ZMAT5: variants seen among roughly 807,000 people sequenced by gnomAD.
The protein encoded by ZMAT5 is zinc finger matrin-type protein 5.
Under a neutral mutation model 28.0 loss-of-function variants are expected in ZMAT5, and 23 were observed. The observed-to-expected ratio is 0.82, with a 90% CI of 0.59 to 1.16. The LOEUF is 1.16. Among genes scored for constraint, ZMAT5 ranks in the 50% most tolerant of loss-of-function variants. ZMAT5 has a pLI of 0.00. For missense variants in ZMAT5, 173 were observed against 212.7 expected (o/e 0.81, Z 1.16); for synonymous variants, 76 against 84.1 (o/e 0.90, Z 0.52).
chr22:29,761,497 T>C (rs1238765302), intron 1 of ZMAT5, among the ~76,000 whole-genome samples: 2 of 150,868 alleles, frequency 1.3e-5, no homozygotes, highest in African/African-American at 2.4e-5. Flanking sequence ...GAGGTTGAGG[T>C]AGGAGGATCG....
At chr22:29,754,621 A>ACT (rs1313727448) in intron 1 of ZMAT5, among the ~76,000 whole-genome samples, 8 of 152,334 alleles carry the variant, frequency 5.3e-5, no homozygotes, top group African/African-American at 1.9e-4. Context: ...CTGTAATCCC[A>ACT]ACATGTTGGG....
At chr22:29,765,422 A>C (rs1337054778) in intron 1 of ZMAT5, among the ~76,000 whole-genome samples, 4 of 151,858 alleles carry the variant, frequency 2.6e-5, no homozygotes, top group Non-Finnish European at 5.9e-5. Flanking sequence ...CTCAAAAAAA[A>C]ACAAAAAACA....
At chr22:29,756,825 A>T (rs1375222957) in intron 1 of ZMAT5, among the ~76,000 whole-genome samples, 1 of 152,122 alleles carries the variant, frequency 6.6e-6, no homozygotes, top group Non-Finnish European at 1.5e-5. Flanking sequence ...ACGCAGGTGG[A>T]TCACCTGAGG....
At chr22:29,764,711 C>T (rs909535057) in intron 1 of ZMAT5, among the ~76,000 whole-genome samples, 1 of 152,128 alleles carries the variant, frequency 6.6e-6, no homozygotes, top group African/African-American at 2.4e-5. Context: ...CCATGTTGGC[C>T]AGGCTAGTCT....
At chr22:29,742,624 A>C (rs1283207436) in intron 2 of ZMAT5, 144 bp from the exon 3 acceptor site, 1 of 752,580 alleles carries the variant, frequency 1.3e-6, no homozygotes, top group African/African-American at 1.7e-5. Flanking sequence ...GAGGAGTGGA[A>C]GCAGGAGATG....
chr22:29,754,405 C>A (rs1294089707), intron 1 of ZMAT5, among the ~76,000 whole-genome samples: 1 of 152,184 alleles, frequency 6.6e-6, no homozygotes, highest in Non-Finnish European at 1.5e-5. Context: ...CAAGGGGCAG[C>A]GGGCAAGGCT....
chr22:29,740,019 G>A (rs2067946613), intron 4 of ZMAT5, among the ~76,000 whole-genome samples: 2 of 152,242 alleles, frequency 1.3e-5, no homozygotes, highest in African/African-American at 4.8e-5. Context: ...CCCCCAACCT[G>A]CTGGGGGGCT....
chr22:29,766,074 G>C (rs556701902), intron 1 of ZMAT5, among the ~76,000 whole-genome samples: 15 of 152,312 alleles, frequency 9.8e-5, no homozygotes, highest in South Asian at 2.1e-4. Flanking sequence ...ACGCACCTTG[G>C]GGGGCGAGGC....
intron 1 of ZMAT5, among the ~76,000 whole-genome samples, chr22:29,758,149 C>G (rs548892205): frequency 6.6e-6 from 1 of 152,184 alleles, no homozygotes; most frequent in Non-Finnish European, 1.5e-5. Context: ...AGACCCCCTG[C>G]TAACAGCCAC....
rs1244353732 is a variant in ZMAT5 at position 29,744,643 on chromosome 22, G to C, written c.128-2163C>G. Reference sequence around the variant, plus strand: ...GACTGAGCCTGGGTCCTATACAAGGGGCTGTGCCAGGTGGCTTGGGGTGGG... The same window carrying C: ...GACTGAGCCTGGGTCCTATACAAGGCGCTGTGCCAGGTGGCTTGGGGTGGG... On this transcript the variant is annotated intron_variant, in intron 2 of 5. Transcript: ENST00000344318. 2.0e-5 allele frequency among the ~76,000 whole-genome samples: 3 copies of C among 152,178 alleles called. No homozygotes were observed. The East Asian group carries it at 5.8e-4, about 29-fold the overall frequency.
intron 5 of ZMAT5, among the ~76,000 whole-genome samples, chr22:29,737,500 C>T (rs1031606100): frequency 2.0e-5 from 3 of 152,226 alleles, no homozygotes; most frequent in African/African-American, 7.2e-5. Flanking sequence ...TTTTGTGAAG[C>T]CACACCACAG....
In ZMAT5 at chr22:29,748,510, C is replaced by G. The variant is rs540359346; in HGVS notation, c.35G>C (p.Arg12Pro). ...GTTGTGGAGGTTGTCCTGGAAGGAGCGGTCGCAGTAGTCACAGAAGTATCG... is the reference window on the plus strand; with the variant it reads ...GTTGTGGAGGTTGTCCTGGAAGGAGGGGTCGCAGTAGTCACAGAAGTATCG... ...GKRYFCDYCD[R>P]SFQDNLHNRK... is the part of the protein sequence containing the mutation. The change falls in exon 2 of 6, where the codon CGC becomes CCC. Residue 12 changes from arginine to proline, a missense_variant. Transcript: ENST00000344318. The G allele has an allele frequency of 1.2e-6, 2 of 1,614,216 alleles. No individual in the cohort carries two copies. The highest frequency in any genetic ancestry group is 2.7e-5 in the African/African-American group (2 of 75,056).
At chr22:29,753,283 T>C (rs2068070656) in intron 1 of ZMAT5, among the ~76,000 whole-genome samples, 1 of 152,160 alleles carries the variant, frequency 6.6e-6, no homozygotes, top group East Asian at 1.9e-4. Context: ...TCCCAACACT[T>C]TGGGAGGCTG....
intron 1 of ZMAT5, among the ~76,000 whole-genome samples, chr22:29,750,964 C>G (rs1218839262): frequency 1.3e-5 from 2 of 152,222 alleles, no homozygotes; most frequent in African/African-American, 4.8e-5. Flanking sequence ...TAAAACCTCT[C>G]TTCTCCCATT....
In ZMAT5 at chr22:29,738,350, C is replaced by G. The variant is rs1405639873; in HGVS notation, c.363G>C (p.Leu121=). 1 of 1,609,918 alleles carries G rather than the reference C, an allele frequency of 6.2e-7. No individual in the cohort carries two copies. The highest frequency in any genetic ancestry group is 1.7e-5 in the Admixed American group (1 of 59,952). The change falls in exon 5 of 6, where the codon CTG becomes CTC. Residue 121 remains leucine, a synonymous_variant. Coordinates refer to ENST00000344318, the MANE Select transcript of ZMAT5 (RefSeq NM_001003692.2). ...EDWLEKRAKR[L]SSAPSSRAEP... Reference sequence around the variant, plus strand: ...TGTACCTGCTACTTGGGGCTGAGCTCAGCCGCTTGGCTCTCTTCTCCAGCC... The same window carrying G: ...TGTACCTGCTACTTGGGGCTGAGCTGAGCCGCTTGGCTCTCTTCTCCAGCC...
intron 2 of ZMAT5, among the ~76,000 whole-genome samples, 172 bp from the exon 3 acceptor site, chr22:29,742,652 T>C (rs761325927): frequency 1.3e-5 from 2 of 152,198 alleles, no homozygotes; most frequent in East Asian, 1.9e-4. Context: ...GTGGGAGTCC[T>C]GGGCAGATGG....
intron 5 of ZMAT5, among the ~76,000 whole-genome samples, chr22:29,735,519 C>T (rs1176400277): frequency 6.6e-6 from 1 of 152,230 alleles, no homozygotes; most frequent in African/African-American, 2.4e-5. Context: ...ACTGCCACTA[C>T]CCACAGCCAC....
chr22:29,741,417 A>G (rs1053622422), intron 3 of ZMAT5, among the ~76,000 whole-genome samples: 1 of 152,172 alleles, frequency 6.6e-6, no homozygotes, highest in African/African-American at 2.4e-5. Flanking sequence ...CAGTTTCCCT[A>G]GTTCAGCTGC....
chr22:29,750,062 C>T (rs2068043216), intron 1 of ZMAT5, among the ~76,000 whole-genome samples: 1 of 152,194 alleles, frequency 6.6e-6, no homozygotes, highest in South Asian at 2.1e-4. Flanking sequence ...GTCTTTCTCC[C>T]ACAATGAGAA....
Sources: gnomAD v4.1 joint callset for allele counts (sites outside exome capture counted in the v4.1 genomes callset) on GRCh38, gnomAD v4.1.1 for gene constraint, MANE v1.5 for transcripts, NCBI Gene and HGNC (gene_info 2026-07-23, HGNC 2026-07-21) for gene names.